PRKD2: variants seen among roughly 807,000 people sequenced by gnomAD.
PRKD2 encodes the protein serine/threonine-protein kinase D2.
PRKD2 carries 22 observed loss-of-function variants against 86.0 expected under a neutral mutation model. That is an observed-to-expected ratio of 0.26 (90% confidence interval 0.18 to 0.37). The LOEUF (loss-of-function observed/expected upper bound fraction) is 0.37. PRKD2 is among the 10% of genes least tolerant of loss of function. The pLI is 1.00. For missense variants in PRKD2, 818 were observed against 1,199.2 expected, an observed-to-expected ratio of 0.68 and a Z score of 4.70; for synonymous variants, 509 against 510.9, an observed-to-expected ratio of 1.00 and a Z score of 0.05.
chr19:46,688,118 G>T (rs2053427080), intron 14 of PRKD2, among the ~76,000 whole-genome samples: 1 of 152,208 alleles, frequency 6.6e-6, no homozygotes, highest in African/African-American at 2.4e-5. Flanking sequence ...TCCAACTCCT[G>T]GCTTCAAGCG....
chr19:46,680,697 T>A (rs1439493814), intron 15 of PRKD2, among the ~76,000 whole-genome samples: 4 of 151,620 alleles, frequency 2.6e-5, no homozygotes, highest in Non-Finnish European at 5.9e-5. Flanking sequence ...GCAGAATGTT[T>A]CATTGAGTTT....
At chr19:46,712,818 C>CT (rs1439599318) in intron 2 of PRKD2, among the ~76,000 whole-genome samples, 1 of 152,110 alleles carries the variant, frequency 6.6e-6, no homozygotes. Context: ...ATAGACTGCT[C>CT]TAAGGTGCTG....
chr19:46,705,773 C>G (rs914641884), intron 3 of PRKD2, among the ~76,000 whole-genome samples: 6 of 138,342 alleles, frequency 4.3e-5, no homozygotes, highest in African/African-American at 1.4e-4. Context: ...GGCAATACAG[C>G]GAGACTCAGT....
At chr19:46,700,045 G>A (rs1213886983) in intron 7 of PRKD2, among the ~76,000 whole-genome samples, 1 of 151,866 alleles carries the variant, frequency 6.6e-6, no homozygotes, top group African/African-American at 2.4e-5. Context: ...AGACCAGCCT[G>A]ACCAACATGG....
intron 9 of PRKD2, among the ~76,000 whole-genome samples, chr19:46,695,388 CA>C (rs1568726188): frequency 6.6e-6 from 1 of 152,198 alleles, no homozygotes; most frequent in Non-Finnish European, 1.5e-5. Flanking sequence ...GAGGCTGAGG[CA>C]GAAGAATCAC....
chr19:46,693,765 G>A lies in PRKD2; in HGVS notation c.1576+110C>T, dbSNP rs754387119. 2.3e-5 allele frequency: 33 copies of A among 1,441,070 alleles called. No homozygotes were observed. The highest frequency in any genetic ancestry group is 2.9e-5 in the Non-Finnish European group (31 of 1,077,902). The allele number at this position is 1,441,070 out of a possible 1,614,324, so 89.3% of individuals were successfully genotyped here. ...CAGGCCTGCTGAGTCCAGAAGCTGCGTTCTCAACCCCACCATTGCCCACTT... is the reference window on the plus strand; with the variant it reads ...CAGGCCTGCTGAGTCCAGAAGCTGCATTCTCAACCCCACCATTGCCCACTT... On this transcript the variant is annotated intron_variant, in intron 10 of 17. Transcript: ENST00000291281. This position sits in a 1 kb window ranked among gnomAD's most constrained non-coding sequence, Gnocchi z 4.5.
In PRKD2 at chr19:46,711,040, T is replaced by C; in HGVS notation, c.380-2A>G. The C allele has an allele frequency of 6.3e-7, 1 of 1,579,384 alleles. No individual in the cohort carries two copies. Among genetic ancestry groups the C allele is most frequent in the East Asian group, 2.3e-5 (1 of 43,252 alleles). On this transcript the variant is annotated splice_acceptor_variant, in intron 2 of 17. Coordinates refer to ENST00000291281, the MANE Select transcript of PRKD2 (RefSeq NM_016457.5). LOFTEE classifies it high-confidence loss of function. ...GGAAGTCCTCGAAGGTGGCCGAGGC[T>C]GTAGGCGGAAAATAGGGGTGGATGC...
chr19:46,708,264 T>C (rs972391321), intron 3 of PRKD2, among the ~76,000 whole-genome samples: 12 of 151,342 alleles, frequency 7.9e-5, no homozygotes, highest in Non-Finnish European at 1.6e-4. Context: ...TTAAGGTTAA[T>C]TGAGGCCGAA....
rs202079599 is a variant in PRKD2 at position 46,675,095 on chromosome 19, G to A, written c.2362C>T (p.Leu788=). 6.0e-5 allele frequency: 97 copies of A among 1,611,326 alleles called. No individual in the cohort carries two copies. The East Asian group carries it at 2.1e-3, about 34-fold the overall frequency. ...TAGCGTTTGCGCATCTTCACCTGCAGCAGGTTGTTGATGAGGTCAATGGCT... is the reference window on the plus strand; with the variant it reads ...TAGCGTTTGCGCATCTTCACCTGCAACAGGTTGTTGATGAGGTCAATGGCT... The part of the protein sequence containing the change: ...AGAIDLINNL[L]QVKMRKRYSV... Residue 788 remains leucine, a synonymous_variant, in exon 17 of 18, where the codon CTG becomes TTG. Transcript: ENST00000291281.
In PRKD2 at chr19:46,689,533, GCAC is replaced by G. The variant is rs1568721421; in HGVS notation, c.1971+1_1971+3del. Reference sequence around the variant, plus strand: ...GCGGGTGGCAGCGGGCAGGGCAGACGCACCTGGGTGATGAGGAACTTGGTGAGG... The same window carrying G: ...GCGGGTGGCAGCGGGCAGGGCAGACGCTGGGTGATGAGGAACTTGGTGAGG... On this transcript the variant is annotated splice_donor_variant and splice_donor_region_variant and intron_variant, in intron 14 of 17. Transcript: ENST00000291281. LOFTEE classifies it high-confidence loss of function. 6.3e-7 allele frequency: 1 copy of G among 1,596,310 alleles called. No homozygotes were observed.
chr19:46,689,487 G>A, intron 14 of PRKD2, 50 bp downstream of exon 14: 5 of 1,552,082 alleles, frequency 3.2e-6, no homozygotes, highest in Non-Finnish European at 4.4e-6. Flanking sequence ...GCCTCTCCAA[G>A]CTGACACCTG....
chr19:46,683,759 T>A (rs919407531), intron 14 of PRKD2, among the ~76,000 whole-genome samples: 2 of 152,170 alleles, frequency 1.3e-5, no homozygotes, highest in Non-Finnish European at 2.9e-5. Flanking sequence ...GCTATAAGGT[T>A]TAAAGCATAT....
chr19:46,713,862 C>T lies in PRKD2; in HGVS notation c.379+1G>A. 3 of 1,586,600 alleles carry T rather than the reference C, an allele frequency of 1.9e-6. No individual in the cohort carries two copies. The highest frequency in any genetic ancestry group is 2.6e-6 in the Non-Finnish European group (3 of 1,166,160). ...CCCCCAGGCCGGCCACCACCTCTCA[C>T]CCGACAGCACCACCTCCACCAGGTC... On this transcript the variant is annotated splice_donor_variant, in intron 2 of 17. Coordinates refer to ENST00000291281, the MANE Select transcript of PRKD2 (RefSeq NM_016457.5). LOFTEE classifies it high-confidence loss of function.
intron 12 of PRKD2, 34 bp from the exon 13 acceptor site, chr19:46,690,740 G>A (rs984862694): frequency 6.3e-7 from 1 of 1,577,708 alleles, no homozygotes; most frequent in Non-Finnish European, 8.7e-7. Flanking sequence ...GGGGATGAGA[G>A]AGCAAGACCA....
At chr19:46,707,931 T>C (rs1022531919) in intron 3 of PRKD2, among the ~76,000 whole-genome samples, 1 of 152,046 alleles carries the variant, frequency 6.6e-6, no homozygotes, top group African/African-American at 2.4e-5. Flanking sequence ...ACCCCGTCTC[T>C]ACTAGAAATA....
Position 46,699,937 on chromosome 19 carries a change from AAAAG to A in PRKD2, c.1121+858_1121+861del, listed in dbSNP as rs1012091322. On this transcript the variant is annotated intron_variant, in intron 7 of 17. Coordinates refer to ENST00000291281, the MANE Select transcript of PRKD2 (RefSeq NM_016457.5). ...CTATCTTAAAAAAAAAAAAAAAAAA[AAAAG>A]AAGAGGAATATAGGTCAGGCGCGGT... 8.6e-5 allele frequency among the ~76,000 whole-genome samples: 13 copies of A among 151,290 alleles called. No individual in the cohort carries two copies. In the East Asian group the frequency reaches 1.8e-3, roughly 20 times the overall value.
At chr19:46,699,885 C>T (rs570028915) in intron 7 of PRKD2, among the ~76,000 whole-genome samples, 1 of 142,718 alleles carries the variant, frequency 7.0e-6, no homozygotes, top group South Asian at 2.2e-4. Flanking sequence ...AAGTTCAAGA[C>T]CACCCTGGGC....
At chr19:46,714,189 T>G in intron 1 of PRKD2, 188 bp from the exon 2 acceptor site, 1 of 1,333,428 alleles carries the variant, frequency 7.5e-7, no homozygotes, top group Non-Finnish European at 9.6e-7. Context: ...GCGCCCCAAT[T>G]GTACGGGGAG....
Position 46,704,385 on chromosome 19 carries a change from T to A in PRKD2, c.673A>T (p.Ser225Cys), listed in dbSNP as rs759802222. The A allele has an allele frequency of 1.2e-6, 2 of 1,613,852 alleles. No individual in the cohort carries two copies. Among genetic ancestry groups the A allele is most frequent in the Admixed American group, 1.7e-5 (1 of 60,002 alleles). The change falls in exon 5 of 18, where the codon AGC becomes TGC. Residue 225 changes from serine to cysteine, a missense_variant. Ser to Cys is a moderately radical substitution (Grantham distance 112). Transcript: ENST00000291281. Reference sequence around the variant, plus strand: ...CGGCGAGGCAGGAGTTCGGTGGTGCTACGGCTCTGTCGTTGGCAAGAATGG... The same window carrying A: ...CGGCGAGGCAGGAGTTCGGTGGTGCAACGGCTCTGTCGTTGGCAAGAATGG... Reference protein sequence around the residue: ...LPCTAEELSRSTTELLPRRPP... With the variant: ...LPCTAEELSRCTTELLPRRPP...
Sources: allele counts gnomAD v4.1 joint callset (sites outside exome capture counted in the v4.1 genomes callset), GRCh38; gene constraint gnomAD v4.1.1; non-coding constraint Gnocchi (gnomAD v3.1); transcripts MANE v1.5; gene names NCBI Gene and HGNC (gene_info 2026-07-23, HGNC 2026-07-21).